The following NTRK3 variants were observed in gnomAD, a reference collection of about 807,000 sequenced individuals.
NTRK3 encodes neurotrophic receptor tyrosine kinase 3, also known as NT-3 growth factor receptor.
NTRK3 carries 24 observed loss-of-function variants against 91.7 expected under a neutral mutation model. The ratio of observed to expected loss-of-function variants is 0.26; its 90% CI spans 0.19 to 0.37. The LOEUF is 0.37. Among genes scored for constraint, NTRK3 ranks in the 10% least tolerant of loss-of-function variants. The pLI is 1.00. For synonymous variants in NTRK3, 483 were observed against 404.0 expected, an observed-to-expected ratio of 1.20 and a Z score of -2.34; for missense variants, 880 against 1,068.9, an observed-to-expected ratio of 0.82 and a Z score of 2.46.
chr15:88,204,924 C>T (rs113644070), intron 3 of NTRK3, among the ~76,000 whole-genome samples: 63 of 152,300 alleles, frequency 4.1e-4, no homozygotes, highest in African/African-American at 1.5e-3. Flanking sequence ...TTGGATCAAA[C>T]CACTTTGACA....
intron 3 of NTRK3, among the ~76,000 whole-genome samples, chr15:88,195,566 G>C (rs1024467926): frequency 7.2e-5 from 11 of 152,222 alleles, no homozygotes; most frequent in African/African-American, 2.7e-4. Flanking sequence ...ATGGGATTGG[G>C]GTCAGAGGGG....
intron 13 of NTRK3, among the ~76,000 whole-genome samples, chr15:88,052,529 G>A (rs558391597): frequency 6.6e-6 from 1 of 152,228 alleles, no homozygotes; most frequent in East Asian, 1.9e-4. Context: ...TCTGCTGTCA[G>A]AGGTGTCAGG....
At chr15:87,992,940 T>C (rs1263305066) in intron 14 of NTRK3, among the ~76,000 whole-genome samples, 1 of 152,158 alleles carries the variant, frequency 6.6e-6, no homozygotes, top group African/African-American at 2.4e-5. Context: ...ATCTGACTTG[T>C]GTGTGTGTGA....
At chr15:88,251,474 C>T (rs1272088266) in intron 3 of NTRK3, among the ~76,000 whole-genome samples, 1 of 152,248 alleles carries the variant, frequency 6.6e-6, no homozygotes, top group Non-Finnish European at 1.5e-5. Context: ...TCACATGATC[C>T]ATCCCTTTCT....
chr15:88,117,034 A>AAC (rs1303409421), intron 13 of NTRK3, among the ~76,000 whole-genome samples: 1 of 152,210 alleles, frequency 6.6e-6, no homozygotes, highest in African/African-American at 2.4e-5. Context: ...ATTGTTCCTC[A>AAC]ACCTTAGCTG....
intron 17 of NTRK3, among the ~76,000 whole-genome samples, chr15:87,917,692 G>T (rs975084199): frequency 6.6e-6 from 1 of 152,158 alleles, no homozygotes; most frequent in South Asian, 2.1e-4. Context: ...TCTCCAGGTA[G>T]TAAGTGAGTT....
At chr15:87,873,281 A>C (rs1221178713) in exon 19 of NTRK3, 1 of 230,832 alleles carries the variant, frequency 4.3e-6, no homozygotes, top group Non-Finnish European at 8.6e-6. Context: ...GAATGGAGGA[A>C]GCAGCACCTC....
At chr15:87,985,026 C>A (rs1778571788) in intron 14 of NTRK3, among the ~76,000 whole-genome samples, 1 of 152,182 alleles carries the variant, frequency 6.6e-6, no homozygotes, top group Admixed American at 6.5e-5. Flanking sequence ...CCCATCTCTG[C>A]AAGCCTTGTT....
exon 19 of NTRK3, chr15:87,862,212 G>A: frequency 9.0e-6 from 2 of 222,898 alleles, no homozygotes; most frequent in Non-Finnish European, 1.8e-5. Flanking sequence ...ATTCACTCAA[G>A]AGGACAAGGA....
chr15:87,896,734 G>C (rs1425655287), intron 17 of NTRK3, among the ~76,000 whole-genome samples: 1 of 152,042 alleles, frequency 6.6e-6, no homozygotes, highest in African/African-American at 2.4e-5. Flanking sequence ...TCCATCTGTG[G>C]CCTCGCCCCA....
At chr15:87,925,301 A>C (rs2068199487) in intron 17 of NTRK3, among the ~76,000 whole-genome samples, 1 of 152,216 alleles carries the variant, frequency 6.6e-6, no homozygotes. Flanking sequence ...CCACTTATGT[A>C]TGAGCCAGAT....
At chr15:88,142,528 C>T (rs568548212) in intron 6 of NTRK3, among the ~76,000 whole-genome samples, 1 of 152,322 alleles carries the variant, frequency 6.6e-6, no homozygotes, top group African/African-American at 2.4e-5. Flanking sequence ...TTTCTTCTTC[C>T]CTGCACAGCA....
At chr15:88,003,083 C>T (rs537900173) in intron 14 of NTRK3, among the ~76,000 whole-genome samples, 1 of 152,264 alleles carries the variant, frequency 6.6e-6, no homozygotes, top group African/African-American at 2.4e-5. Flanking sequence ...TGAGAAGAAG[C>T]AAGAAAGATT....
intron 5 of NTRK3, among the ~76,000 whole-genome samples, chr15:88,175,381 TAGAG>T (rs10692744): frequency 3.4e-4 from 51 of 149,608 alleles, no homozygotes; most frequent in Non-Finnish European, 6.2e-4. Flanking sequence ...CACAGAGAGA[TAGAG>T]AGAGAGAGAG....
exon 19 of NTRK3, chr15:87,876,956 G>A (rs1378495898): frequency 6.2e-7 from 1 of 1,613,790 alleles, no homozygotes; most frequent in African/African-American, 1.3e-5. Flanking sequence ...TGTCCAGGTA[G>A]ATTGGGGTGG....
intron 13 of NTRK3, among the ~76,000 whole-genome samples, chr15:88,048,503 G>T (rs1171803892): frequency 6.6e-6 from 1 of 152,096 alleles, no homozygotes; most frequent in Non-Finnish European, 1.5e-5. Flanking sequence ...GTAGAATGTG[G>T]GATGCAGGTT....
At chr15:88,153,368 G>A (rs766258505) in intron 5 of NTRK3, among the ~76,000 whole-genome samples, 6 of 152,008 alleles carry the variant, frequency 3.9e-5, no homozygotes, top group Admixed American at 6.5e-5. Context: ...TACGCCTCCC[G>A]AGTAGCTGGG....
At chr15:88,223,655 T>C in intron 3 of NTRK3, among the ~76,000 whole-genome samples, 1 of 152,224 alleles carries the variant, frequency 6.6e-6, no homozygotes, top group Non-Finnish European at 1.5e-5. Flanking sequence ...CTCAACCTTT[T>C]GGGGTCTTCC....
chr15:88,030,869 A>T (rs2078470530), intron 14 of NTRK3, among the ~76,000 whole-genome samples: 1 of 152,034 alleles, frequency 6.6e-6, no homozygotes, highest in South Asian at 2.1e-4. Context: ...CTCATACTAT[A>T]AACAACTACC....
Sources: allele counts gnomAD v4.1 joint callset (sites outside exome capture counted in the v4.1 genomes callset), GRCh38; gene constraint gnomAD v4.1.1; transcripts MANE v1.5; gene names NCBI Gene and HGNC (gene_info 2026-07-23, HGNC 2026-07-21).